Variants in SDK2 observed in about 807,000 individuals in gnomAD.
SDK2 encodes the protein protein sidekick-2.
SDK2 carries 105 observed loss-of-function variants against 253.9 expected under a neutral mutation model. The observed-to-expected ratio is 0.41, with a 90% CI of 0.35 to 0.49. The LOEUF (loss-of-function observed/expected upper bound fraction) is 0.49, where lower values mean the gene tolerates loss of function less well. Ranked by LOEUF, SDK2 falls within the 20% of genes least tolerant of loss-of-function variation. The pLI is 0.06. For missense variants in SDK2, 2,608 were observed against 3,003.0 expected (o/e 0.87, Z 3.07); for synonymous variants, 1,249 against 1,234.9 (o/e 1.01, Z -0.24).
At position 73,643,923 on chromosome 17, in the gene SDK2, G is replaced by A. The variant is rs950954527; in HGVS notation, c.64+102C>T. 8.7e-6 allele frequency: 9 copies of A among 1,029,594 alleles called. 1 individual carries two copies. Among genetic ancestry groups the A allele is most frequent in the Middle Eastern group, 3.0e-4 (1 of 3,312 alleles). The allele number at this position is 1,029,594 out of a possible 1,614,324, so 63.8% of individuals were successfully genotyped here. On this transcript the variant is annotated intron_variant, in intron 1 of 44. Transcript: ENST00000392650. The surrounding 1 kb of genome is among the most constrained non-coding windows in gnomAD (Gnocchi z 6.9). ...GAGAGGGCTCTGCCACGGCTAAGCC[G>A]GGTGTCCAGGAGGTCACCGTGAGGC...
intron 1 of SDK2, among the ~76,000 whole-genome samples, chr17:73,512,500 TATAAAGATGTC>T (rs1427114484): frequency 6.6e-6 from 1 of 151,972 alleles, no homozygotes; most frequent in African/African-American, 2.4e-5. Context: ...GAATCAACGT[TATAAAGATGTC>T]ATTCTCTTAA....
chr17:73,503,463 C>T (rs558142426), intron 2 of SDK2, among the ~76,000 whole-genome samples: 15 of 152,212 alleles, frequency 9.9e-5, no homozygotes, highest in South Asian at 8.3e-4. Context: ...CATGTTTATA[C>T]GTGTGTAGGG....
At position 73,472,145 on chromosome 17, in the gene SDK2, G is replaced by C; in HGVS notation, c.298C>G (p.Leu100Val). The C allele has an allele frequency of 6.4e-7, 1 of 1,551,650 alleles. No individual in the cohort carries two copies. The highest frequency in any genetic ancestry group is 1.4e-5 in the African/African-American group (1 of 73,158). The change falls in exon 3 of 45, where the codon CTG becomes GTG. Residue 100 changes from leucine to valine, a missense_variant. Leu to Val is a conservative substitution (Grantham distance 32). Around this residue, in one of 2 missense-constraint regions of SDK2, gnomAD observed 1,505 missense variants for 1,859.1 expected, o/e 0.81. Coordinates refer to ENST00000392650, the MANE Select transcript of SDK2 (RefSeq NM_001144952.2). ...TGGACCTCGGTTTGCCGCTGCAGCAGGGCCCCCATTCGGTTCCGCACGATG... is the reference window on the plus strand; with the variant it reads ...TGGACCTCGGTTTGCCGCTGCAGCACGGCCCCCATTCGGTTCCGCACGATG... ...RCIVRNRMGALLQRQTEVQVA... is the reference protein window; with the variant it reads ...RCIVRNRMGAVLQRQTEVQVA...
chr17:73,427,333 C>A (rs961703164), intron 12 of SDK2, among the ~76,000 whole-genome samples: 1 of 152,210 alleles, frequency 6.6e-6, no homozygotes, highest in African/African-American at 2.4e-5. Context: ...GATCAACAAA[C>A]TATGGCCTGC....
At chr17:73,611,531 G>A (rs1049210241) in intron 1 of SDK2, among the ~76,000 whole-genome samples, 1 of 152,246 alleles carries the variant, frequency 6.6e-6, no homozygotes, top group South Asian at 2.1e-4. Flanking sequence ...GGCTGGGTGT[G>A]TGCTTCCCTA....
At chr17:73,368,167 G>A (rs1278490957) in intron 37 of SDK2, among the ~76,000 whole-genome samples, 2 of 152,176 alleles carry the variant, frequency 1.3e-5, no homozygotes, top group African/African-American at 2.4e-5. Context: ...GGCAAACGGT[G>A]GGGAGGACAG....
rs754040424 is a variant in SDK2 at position 73,402,112 on chromosome 17, C to G, written c.2514G>C (p.Glu838Asp). 3.1e-6 allele frequency: 5 copies of G among 1,613,874 alleles called. No individual in the cohort carries two copies. The highest frequency in any genetic ancestry group is 2.2e-5 in the East Asian group (1 of 44,898). The stretch of plus-strand genomic sequence containing the variant: ...GCCGGGCGGTCACCATGGTAACCTC[C>G]TCTTCCTGTTCCGGCTCCCAGGCGA... ...KLIAWEPEQE[E>D]EVTMVTARPN... Residue 838 changes from glutamate (E) to aspartate (D), a missense_variant, in exon 19 of 45, where the codon GAG becomes GAC. Glu to Asp is a conservative substitution (Grantham distance 45, BLOSUM62 2). Transcript: ENST00000392650.
chr17:73,470,708 C>G (rs543359259), intron 3 of SDK2, among the ~76,000 whole-genome samples: 1 of 152,314 alleles, frequency 6.6e-6, no homozygotes, highest in South Asian at 2.1e-4. Flanking sequence ...TTGAGATTTT[C>G]TTTTAGATTT....
intron 9 of SDK2, among the ~76,000 whole-genome samples, chr17:73,434,771 C>G (rs536592662): frequency 2.0e-5 from 3 of 152,318 alleles, no homozygotes; most frequent in African/African-American, 7.2e-5. Flanking sequence ...CCTGGGAGTA[C>G]AGGTGTGTGC....
chr17:73,374,927 C>T (rs572927998), intron 36 of SDK2, among the ~76,000 whole-genome samples: 1 of 152,290 alleles, frequency 6.6e-6, no homozygotes, highest in South Asian at 2.1e-4. Context: ...AGACTCTGCT[C>T]AGCACAGCAG....
intron 3 of SDK2, among the ~76,000 whole-genome samples, chr17:73,456,550 G>A (rs994177552): frequency 6.6e-6 from 1 of 152,168 alleles, no homozygotes; most frequent in South Asian, 2.1e-4. Context: ...GAGAAGTGTG[G>A]GCATGCTGAG....
intron 1 of SDK2, among the ~76,000 whole-genome samples, chr17:73,561,032 T>C (rs1184210415): frequency 3.9e-5 from 6 of 152,048 alleles, no homozygotes; most frequent in Non-Finnish European, 7.4e-5. Context: ...CTCACCCCAC[T>C]ACCCACAGGT....
intron 18 of SDK2, among the ~76,000 whole-genome samples, chr17:73,402,861 G>T (rs926034716): frequency 6.6e-6 from 1 of 152,120 alleles, no homozygotes; most frequent in Admixed American, 6.6e-5. Flanking sequence ...ACAGTGGCAA[G>T]ATCTAGGCTC....
intron 1 of SDK2, among the ~76,000 whole-genome samples, chr17:73,603,767 G>C (rs1232309488): frequency 6.6e-6 from 1 of 152,216 alleles, no homozygotes; most frequent in African/African-American, 2.4e-5. Flanking sequence ...GGGTCACACA[G>C]CTTGTGGGTG....
intron 1 of SDK2, among the ~76,000 whole-genome samples, chr17:73,550,697 C>T (rs540038086): frequency 4.6e-5 from 7 of 152,324 alleles, no homozygotes; most frequent in Non-Finnish European, 8.8e-5. Context: ...TGGCTATACT[C>T]GCACAGAAGG....
At chr17:73,602,065 C>T (rs1270835255) in intron 1 of SDK2, among the ~76,000 whole-genome samples, 1 of 152,228 alleles carries the variant, frequency 6.6e-6, no homozygotes, top group Non-Finnish European at 1.5e-5. Context: ...TTTAAACAAC[C>T]CAGTTTGTAG....
At chr17:73,613,447 G>A (rs1314401094) in intron 1 of SDK2, among the ~76,000 whole-genome samples, 1 of 151,124 alleles carries the variant, frequency 6.6e-6, no homozygotes, top group Non-Finnish European at 1.5e-5. Flanking sequence ...CAGCAGGACA[G>A]GCACCGTATT....
chr17:73,585,465 T>G (rs994227656), intron 1 of SDK2, among the ~76,000 whole-genome samples: 2 of 152,218 alleles, frequency 1.3e-5, no homozygotes, highest in Non-Finnish European at 2.9e-5. Flanking sequence ...CTTCCCCAGA[T>G]ACTCTGTTCG....
intron 1 of SDK2, among the ~76,000 whole-genome samples, chr17:73,631,225 C>G (rs75869199): frequency 6.6e-6 from 1 of 152,214 alleles, no homozygotes; most frequent in Non-Finnish European, 1.5e-5. Flanking sequence ...GAACTCCCCT[C>G]GGCCCTCCTT....
Sources: allele counts gnomAD v4.1 joint callset (sites outside exome capture counted in the v4.1 genomes callset), GRCh38; gene constraint gnomAD v4.1.1; regional missense constraint gnomAD v4.1.1; non-coding constraint Gnocchi (gnomAD v3.1); transcripts MANE v1.5; gene names NCBI Gene and HGNC (gene_info 2026-07-23, HGNC 2026-07-21).